The following NAF1 variants were observed in gnomAD, a reference collection of about 807,000 sequenced individuals.
The protein encoded by NAF1 is H/ACA ribonucleoprotein complex non-core subunit NAF1.
In NAF1, 11 loss-of-function variants were observed where a neutral mutation model predicts 40.6. That is an observed-to-expected ratio of 0.27 (90% CI 0.17 to 0.45). NAF1 has a LOEUF of 0.45. Among genes scored for constraint, NAF1 ranks in the 20% least tolerant of loss-of-function variants. NAF1 has a pLI of 1.00. For missense variants in NAF1, 607 were observed against 611.1 expected, an observed-to-expected ratio of 0.99 and a Z score of 0.07; for synonymous variants, 260 against 228.5, an observed-to-expected ratio of 1.14 and a Z score of -1.24.
downstream of NAF1, among the ~76,000 whole-genome samples, chr4:163,127,778 C>G (rs1013197736): frequency 2.0e-5 from 3 of 152,130 alleles, no homozygotes; most frequent in Non-Finnish European, 4.4e-5. Context: ...CTTAGTGCAA[C>G]CAGAGCGCAT....
chr4:163,128,667 A>C (rs1044891898), downstream of NAF1: 12 of 1,022,814 alleles, frequency 1.2e-5, no homozygotes, highest in Non-Finnish European at 1.5e-5. Flanking sequence ...ATGAATTCAA[A>C]ATTTTAATTA....
At chr4:163,113,491 A>G (rs1424734907) in intron 2 of NAF1, among the ~76,000 whole-genome samples, 1 of 151,926 alleles carries the variant, frequency 6.6e-6, no homozygotes, top group Non-Finnish European at 1.5e-5. Flanking sequence ...TTTGCTCTCC[A>G]TCATGTTTTT....
At chr4:163,131,975 T>C (rs140572108) in intron 7 of NAF1, among the ~76,000 whole-genome samples, 200 of 152,330 alleles carry the variant, frequency 1.3e-3, no homozygotes, top group Middle Eastern at 3.4e-3. Flanking sequence ...TCAATGCCAT[T>C]AGCCATTAGG....
chr4:163,118,762 A>G (rs1324328659), intron 2 of NAF1, among the ~76,000 whole-genome samples: 1 of 151,700 alleles, frequency 6.6e-6, no homozygotes, highest in African/African-American at 2.4e-5. Context: ...CAAAAAAAGA[A>G]AAAAAAAAGA....
At chr4:163,148,547 G>A in intron 2 of NAF1, 113 bp from the exon 3 acceptor site, 2 of 694,240 alleles carry the variant, frequency 2.9e-6, no homozygotes, top group Non-Finnish European at 4.9e-6. Flanking sequence ...TAAGTGCTTA[G>A]AGCATCTCTT....
Position 163,166,873 on chromosome 4 carries a change from G to A in NAF1, c.-146C>T. 9.0e-7 allele frequency: 1 copy of A among 1,113,860 alleles called. No homozygotes were observed. The highest frequency in any genetic ancestry group is 1.2e-6 in the Non-Finnish European group (1 of 805,390). The allele number at this position is 1,113,860 out of a possible 1,614,324, so 69.0% of individuals were successfully genotyped here. ...CCGCGTTTCTCAGGTAACTACACGCGGAGGAGCCAAAAGACACGCCCCCGC... is the reference window on the plus strand; with the variant it reads ...CCGCGTTTCTCAGGTAACTACACGCAGAGGAGCCAAAAGACACGCCCCCGC... On this transcript the variant is annotated 5_prime_UTR_variant, in exon 1 of 8. Coordinates refer to ENST00000274054, the MANE Select transcript of NAF1 (RefSeq NM_138386.3).
chr4:163,125,212 G>A (rs1484286569), downstream of NAF1, among the ~76,000 whole-genome samples: 1 of 152,148 alleles, frequency 6.6e-6, no homozygotes, highest in Non-Finnish European at 1.5e-5. Context: ...TGACCTCTAA[G>A]TATTCAAGTG....
At chr4:163,128,641 T>C, downstream of NAF1, 1 of 846,094 alleles carries the variant, frequency 1.2e-6, no homozygotes, top group Non-Finnish European at 1.5e-6. Context: ...CTGGGTGGGG[T>C]TGGGAGGGAG....
At chr4:163,139,851 A>T (rs549927923) in intron 5 of NAF1, among the ~76,000 whole-genome samples, 1 of 152,120 alleles carries the variant, frequency 6.6e-6, no homozygotes, top group South Asian at 2.1e-4. Context: ...AGGCCCCTAA[A>T]TAGAATCCAA....
intron 4 of NAF1, among the ~76,000 whole-genome samples, chr4:163,144,555 A>G (rs898409731): frequency 6.6e-6 from 1 of 152,178 alleles, no homozygotes; most frequent in Non-Finnish European, 1.5e-5. Flanking sequence ...AATACTTTCT[A>G]ATCTCTACTC....
In NAF1 at chr4:163,166,649, G is replaced by T. The variant is rs765655091; in HGVS notation, c.79C>A (p.Pro27Thr). 4.5e-5 allele frequency: 73 copies of T among 1,613,218 alleles called. 1 individual carries two copies. The highest frequency in any genetic ancestry group is 3.3e-4 in the Middle Eastern group (2 of 6,084). Residue 27 changes from proline (P) to threonine (T), a missense_variant, in exon 1 of 8, where the codon CCG becomes ACG. By Grantham distance (38) the Pro-to-Thr change is conservative. Coordinates refer to ENST00000274054, the MANE Select transcript of NAF1 (RefSeq NM_138386.3). ...NGTDFGVGEG[P>T]AAPSPGSAPV... The stretch of plus-strand genomic sequence containing the variant: ...GCAGAGCCCGGAGACGGAGCCGCCG[G>T]ACCTTCCCCAACTCCAAAGTCGGTG...
downstream of NAF1, among the ~76,000 whole-genome samples, chr4:163,125,075 G>A (rs1403721049): frequency 1.3e-5 from 2 of 152,162 alleles, no homozygotes; most frequent in Non-Finnish European, 2.9e-5. Context: ...ATAATATAGT[G>A]AACTTAATGG....
chr4:163,160,997 A>G (rs1184809190), intron 2 of NAF1, among the ~76,000 whole-genome samples: 1 of 150,786 alleles, frequency 6.6e-6, no homozygotes, highest in Non-Finnish European at 1.5e-5. Flanking sequence ...TGCTTCCCAG[A>G]AAGAATGGAC....
chr4:163,119,322 CCTT>C (rs1475252792), intron 2 of NAF1: 1 of 152,102 alleles, frequency 6.6e-6, no homozygotes, highest in African/African-American at 2.4e-5. Context: ...ATATAGTGCC[CCTT>C]CTTTTAATGT....
intron 2 of NAF1, among the ~76,000 whole-genome samples, chr4:163,152,097 GA>G (rs1189978696): frequency 6.6e-6 from 1 of 152,010 alleles, no homozygotes; most frequent in Admixed American, 6.5e-5. Context: ...CCAAATTCCA[GA>G]ATCTCAAATA....
chr4:163,128,821 A>G lies in NAF1; in HGVS notation c.*76T>C. On this transcript the variant is annotated 3_prime_UTR_variant, in exon 8 of 8. Coordinates refer to ENST00000274054, the MANE Select transcript of NAF1 (RefSeq NM_138386.3). The stretch of plus-strand genomic sequence containing the variant: ...ACAGTGTTTTTAAAAATCTAGCTCC[A>G]TAATCACTCTTGAAAAAAAAAAATC... 7.1e-7 allele frequency: 1 copy of G among 1,409,376 alleles called. No individual in the cohort carries two copies. The highest frequency in any genetic ancestry group is 9.4e-7 in the Non-Finnish European group (1 of 1,061,738). The allele number at this position is 1,409,376 out of a possible 1,614,324, so 87.3% of individuals were successfully genotyped here.
intron 2 of NAF1, among the ~76,000 whole-genome samples, chr4:163,116,526 G>A (rs1181942062): frequency 6.6e-6 from 1 of 151,880 alleles, no homozygotes; most frequent in Non-Finnish European, 1.5e-5. Flanking sequence ...TTTTTCCTTA[G>A]TCTTTGTTAT....
intron 2 of NAF1, among the ~76,000 whole-genome samples, chr4:163,111,319 G>A (rs1730152978): frequency 6.6e-6 from 1 of 152,102 alleles, no homozygotes; most frequent in Non-Finnish European, 1.5e-5. Context: ...GCTATCCCTA[G>A]AAAATTGGAA....
intron 7 of NAF1, among the ~76,000 whole-genome samples, chr4:163,131,825 G>A (rs1373814400): frequency 6.6e-6 from 1 of 152,134 alleles, no homozygotes; most frequent in Non-Finnish European, 1.5e-5. Context: ...TTGACAGAAA[G>A]CTAGTATCTA....
Sources: allele counts gnomAD v4.1 joint callset (sites outside exome capture counted in the v4.1 genomes callset), GRCh38; gene constraint gnomAD v4.1.1; transcripts MANE v1.5; gene names NCBI Gene and HGNC (gene_info 2026-07-23, HGNC 2026-07-21).